The following MBNL3 variants were observed in gnomAD, a reference collection of about 807,000 sequenced individuals.
The protein encoded by MBNL3 is muscleblind like splicing regulator 3, also known as muscleblind-like protein 3.
Under a neutral mutation model 24.5 loss-of-function variants are expected in MBNL3, and 6 were observed. The ratio of observed to expected loss-of-function variants is 0.25; its 90% CI spans 0.13 to 0.48. MBNL3 has a LOEUF of 0.48. Ranked by LOEUF, MBNL3 falls within the 20% of genes least tolerant of loss-of-function variation. The probability of loss-of-function intolerance (pLI) is 0.99; values close to 1 mark genes in which losing one functional copy is unlikely to be tolerated. For synonymous variants in MBNL3, 100 were observed against 101.7 expected (o/e 0.98, Z 0.10); for missense variants, 230 against 293.5 (o/e 0.78, Z 1.58).
chrX:132,458,673 G>C (rs1465087818), intron 1 of MBNL3, among the ~76,000 whole-genome samples: 1 of 110,947 alleles, frequency 9.0e-6, no homozygotes, highest in Non-Finnish European at 1.9e-5. Context: ...GAATTCCCAT[G>C]ACATAAACAC....
At chrX:132,440,875 C>A (rs372508951) in intron 1 of MBNL3, among the ~76,000 whole-genome samples, 1 of 112,639 alleles carries the variant, frequency 8.9e-6, no homozygotes, top group African/African-American at 3.2e-5. Flanking sequence ...ATAGCATTAA[C>A]GCAAAAGTGA....
At chrX:132,407,490 A>G (rs753907284) in intron 2 of MBNL3, among the ~76,000 whole-genome samples, 7 of 112,516 alleles carry the variant, frequency 6.2e-5, no homozygotes, top group Non-Finnish European at 1.3e-4. Flanking sequence ...ATCAAATACT[A>G]TCTTAGTTTT....
rs1416057325 is a variant in MBNL3 at position 132,376,597 on chromosome X, G to A, written c.*3069C>T. 9.0e-6 allele frequency: 1 copy of A among 111,356 alleles called. No homozygotes were observed. Among genetic ancestry groups the A allele is most frequent in the Non-Finnish European group, 1.9e-5 (1 of 52,924 alleles). 9.2% of individuals were successfully genotyped at this position (111,356 alleles called of 1,213,427 possible). On this transcript the variant is annotated 3_prime_UTR_variant, in exon 9 of 9. Transcript: ENST00000370853. ...CTGTAAAATACAAAGCTTATAAAAT[G>A]TTAACTAAGAATCATAAGTGATTAG...
intron 1 of MBNL3, among the ~76,000 whole-genome samples, chrX:132,446,762 A>C (rs1945745808): frequency 9.0e-6 from 1 of 111,557 alleles, no homozygotes; most frequent in South Asian, 3.7e-4. Flanking sequence ...GTTTAATTAG[A>C]TCCCATTTGT....
At chrX:132,417,941 A>C (rs927875639) in intron 2 of MBNL3, among the ~76,000 whole-genome samples, 1 of 111,944 alleles carries the variant, frequency 8.9e-6, no homozygotes, top group Non-Finnish European at 1.9e-5. Flanking sequence ...TAGACTATTA[A>C]TTTGGTTTTA....
At chrX:132,417,714 C>T (rs147290319) in intron 2 of MBNL3, among the ~76,000 whole-genome samples, 1 of 111,326 alleles carries the variant, frequency 9.0e-6, no homozygotes, top group Non-Finnish European at 1.9e-5. Context: ...TAAATCTACT[C>T]TAGCTCCATT....
intron 2 of MBNL3, among the ~76,000 whole-genome samples, chrX:132,416,604 C>T (rs1047077029): frequency 2.7e-5 from 3 of 111,416 alleles, no homozygotes; most frequent in East Asian, 5.6e-4. Context: ...GTTCCTAACA[C>T]GAAGAAATGA....
intron 8 of MBNL3, among the ~76,000 whole-genome samples, chrX:132,380,837 G>GA (rs1015067996): frequency 1.6e-4 from 16 of 102,492 alleles, no homozygotes; most frequent in South Asian, 4.2e-4. Context: ...GGGTGAAGGA[G>GA]AAAAAAAAAA....
chrX:132,428,992 T>C (rs998551469), intron 2 of MBNL3, among the ~76,000 whole-genome samples: 4 of 111,904 alleles, frequency 3.6e-5, no homozygotes, highest in African/African-American at 9.7e-5. Flanking sequence ...TTTCCAAATC[T>C]CTCCTACTTA....
rs73556152 is a variant in MBNL3, at chrX:132,370,591, T to C, written c.*9075A>G. 1.9e-3 allele frequency: 213 copies of C among 111,971 alleles called. No homozygotes were observed. Among genetic ancestry groups the C allele is most frequent in the African/African-American group, 6.7e-3 (207 of 30,862 alleles). The allele number at this position is 111,971 out of a possible 1,213,427, so 9.2% of individuals were successfully genotyped here. On this transcript the variant is annotated 3_prime_UTR_variant, in exon 9 of 9. Transcript: ENST00000370853. Reference sequence around the variant, plus strand: ...TTGCCCATTGGAAAGTCATGCCTTTTTAAATGTGAACACTTCCAGGACAGG... The same window carrying C: ...TTGCCCATTGGAAAGTCATGCCTTTCTAAATGTGAACACTTCCAGGACAGG...
At chrX:132,480,213 C>T (rs1014548229) in intron 1 of MBNL3, among the ~76,000 whole-genome samples, 2 of 111,791 alleles carry the variant, frequency 1.8e-5, no homozygotes, top group African/African-American at 6.5e-5. Flanking sequence ...ATGGTACTTC[C>T]ACTAAAGGCA....
At chrX:132,431,254 G>T (rs1279533156) in intron 2 of MBNL3, 1 of 111,875 alleles carries the variant, frequency 8.9e-6, no homozygotes, top group Non-Finnish European at 1.9e-5. Context: ...TTGCCTACTA[G>T]TGATTTTGTG....
intron 2 of MBNL3, among the ~76,000 whole-genome samples, chrX:132,411,630 A>T (rs1206757931): frequency 1.8e-5 from 2 of 111,584 alleles, no homozygotes; most frequent in African/African-American, 6.5e-5. Flanking sequence ...TTTCCTCTGT[A>T]AAGATTTTCC....
chrX:132,449,464 C>CTTTTTTTTTTTTTTTT (rs751006249), intron 1 of MBNL3, among the ~76,000 whole-genome samples: 7 of 29,782 alleles, frequency 2.4e-4, no homozygotes, highest in Non-Finnish European at 3.1e-4. Context: ...GCAACCCCTG[C>CTTTTTTTTTTTTTTTT]TTTTTTTTTT....
chrX:132,471,166 T>C (rs1947159144), intron 1 of MBNL3, among the ~76,000 whole-genome samples: 1 of 111,067 alleles, frequency 9.0e-6, no homozygotes, highest in African/African-American at 3.3e-5. Flanking sequence ...TAGAAAAAAG[T>C]ACAAAATTAC....
chrX:132,442,738 G>T (rs1418558906), intron 1 of MBNL3, among the ~76,000 whole-genome samples: 1 of 112,971 alleles, frequency 8.9e-6, no homozygotes, highest in Non-Finnish European at 1.9e-5. Flanking sequence ...GATAGGGGAA[G>T]AAGGAATTTT....
intron 2 of MBNL3, among the ~76,000 whole-genome samples, chrX:132,421,618 A>C (rs1397059505): frequency 8.9e-6 from 1 of 112,185 alleles, no homozygotes; most frequent in Admixed American, 9.4e-5. Context: ...GTGCCCACTT[A>C]GGAGACTAGT....
At chrX:132,433,260 T>C (rs1423526309) in intron 2 of MBNL3, among the ~76,000 whole-genome samples, 2 of 111,907 alleles carry the variant, frequency 1.8e-5, no homozygotes, top group Non-Finnish European at 3.8e-5. Flanking sequence ...CAGTCATCAA[T>C]CTTGATCTTG....
chrX:132,395,374 A>G lies in MBNL3; in HGVS notation c.343-3040T>C, dbSNP rs1399595523. Among the ~76,000 whole-genome samples the G allele has an allele frequency of 1.1e-4, 12 of 112,001 alleles. No individual in the cohort carries two copies. The Admixed American group carries it at 1.1e-3, about 11-fold the overall frequency. ...GGGTTAATTTTTATTGTAAAGGAAA[A>G]GGTTTTAACTATACTGACTCTGATT... is the stretch of plus-strand genomic sequence containing the variant. On this transcript the variant is annotated intron_variant, in intron 3 of 8. Transcript: ENST00000370853.
Sources: allele counts gnomAD v4.1 joint callset (sites outside exome capture counted in the v4.1 genomes callset), GRCh38; gene constraint gnomAD v4.1.1; transcripts MANE v1.5; gene names NCBI Gene and HGNC (gene_info 2026-07-23, HGNC 2026-07-21).